The following ADAMTS6 variants were observed in gnomAD, a reference collection of about 807,000 sequenced individuals.
The protein encoded by ADAMTS6 is ADAM metallopeptidase with thrombospondin type 1 motif 6, also known as A disintegrin and metalloproteinase with thrombospondin motifs 6.
ADAMTS6 carries 23 observed loss-of-function variants against 144.3 expected under a neutral mutation model. That is an observed-to-expected ratio of 0.16 (90% CI 0.11 to 0.23). ADAMTS6 has a LOEUF of 0.23. Among genes scored for constraint, ADAMTS6 ranks in the 10% least tolerant of loss-of-function variants. The probability of loss-of-function intolerance (pLI) is 1.00; values close to 1 mark genes in which losing one functional copy is unlikely to be tolerated. For synonymous variants in ADAMTS6, 444 were observed against 457.5 expected, an observed-to-expected ratio of 0.97 and a Z score of 0.38; for missense variants, 999 against 1,379.6, an observed-to-expected ratio of 0.72 and a Z score of 4.37.
chr5:65,212,009 C>T (rs1326936569), intron 20 of ADAMTS6, among the ~76,000 whole-genome samples: 2 of 152,110 alleles, frequency 1.3e-5, no homozygotes, highest in South Asian at 2.1e-4. Flanking sequence ...GGTTTGGTTT[C>T]TCTGTCAGCC....
At chr5:65,446,862 A>G (rs763792234) in intron 7 of ADAMTS6, among the ~76,000 whole-genome samples, 1 of 152,142 alleles carries the variant, frequency 6.6e-6, no homozygotes, top group East Asian at 1.9e-4. Context: ...GAGTGATGGA[A>G]TGTTCTAAAA....
intron 7 of ADAMTS6, among the ~76,000 whole-genome samples, chr5:65,395,242 C>A (rs917351687): frequency 6.6e-6 from 1 of 152,054 alleles, no homozygotes. Context: ...TTTTTAAATA[C>A]CCTCTTCTGA....
intron 8 of ADAMTS6, among the ~76,000 whole-genome samples, chr5:65,333,175 C>T (rs762740157): frequency 3.3e-5 from 5 of 152,036 alleles, no homozygotes; most frequent in Non-Finnish European, 5.9e-5. Flanking sequence ...GAGAATTCAT[C>T]TTCAGTTGTT....
At chr5:65,394,526 G>A (rs1753184399) in intron 7 of ADAMTS6, among the ~76,000 whole-genome samples, 1 of 152,190 alleles carries the variant, frequency 6.6e-6, no homozygotes, top group African/African-American at 2.4e-5. Context: ...AGCTGGACAT[G>A]TCAGCATTCC....
chr5:65,240,873 G>A (rs1474848805), intron 15 of ADAMTS6, among the ~76,000 whole-genome samples: 3 of 152,176 alleles, frequency 2.0e-5, no homozygotes, highest in Non-Finnish European at 4.4e-5. Context: ...GATTTTTTAA[G>A]TATGTGCATT....
At chr5:65,268,092 A>T (rs1761763265) in intron 12 of ADAMTS6, among the ~76,000 whole-genome samples, 1 of 152,204 alleles carries the variant, frequency 6.6e-6, no homozygotes, top group South Asian at 2.1e-4. Context: ...TTAAGAACTA[A>T]GGCTGCAAAC....
chr5:65,449,743 A>T lies in ADAMTS6; in HGVS notation c.1073+1732T>A, dbSNP rs377467871. 3.4e-3 allele frequency among the ~76,000 whole-genome samples: 520 copies of T among 152,362 alleles called. 2 individuals are homozygous for T. The highest frequency in any genetic ancestry group is 0.014 in the South Asian group (68 of 4,830). On this transcript the variant is annotated intron_variant, in intron 7 of 24. Coordinates refer to ENST00000381055, the MANE Select transcript of ADAMTS6 (RefSeq NM_197941.4). The stretch of plus-strand genomic sequence containing the variant: ...GAAGAGCCCTGCAGAGAATCGGGAA[A>T]ATATCAAGGCGAATTCAGAATAAAA...
chr5:65,265,012 G>T (rs1291476974), intron 12 of ADAMTS6, among the ~76,000 whole-genome samples: 5 of 152,010 alleles, frequency 3.3e-5, no homozygotes, highest in Non-Finnish European at 4.4e-5. Flanking sequence ...CCTAGTAGAT[G>T]GTACCAAATT....
intron 7 of ADAMTS6, among the ~76,000 whole-genome samples, chr5:65,435,598 T>G (rs1435626323): frequency 6.6e-6 from 1 of 151,640 alleles, no homozygotes; most frequent in African/African-American, 2.4e-5. Flanking sequence ...CCTTTTTTTT[T>G]GTAATTCTAA....
At chr5:65,293,907 A>C (rs1306961358) in intron 10 of ADAMTS6, among the ~76,000 whole-genome samples, 1 of 152,238 alleles carries the variant, frequency 6.6e-6, no homozygotes, top group Admixed American at 6.5e-5. Flanking sequence ...AGAATAAAAC[A>C]CCATATGAAA....
At chr5:65,204,423 C>G (rs1027248546) in intron 20 of ADAMTS6, among the ~76,000 whole-genome samples, 4 of 152,108 alleles carry the variant, frequency 2.6e-5, no homozygotes, top group African/African-American at 9.7e-5. Context: ...TAAGAACTAA[C>G]CCAGTAAGGT....
At chr5:65,435,644 G>C (rs1198816154) in intron 7 of ADAMTS6, among the ~76,000 whole-genome samples, 3 of 135,880 alleles carry the variant, frequency 2.2e-5, no homozygotes, top group Non-Finnish European at 4.7e-5. Flanking sequence ...TTTTTTTTTT[G>C]AGACAGAGTC....
chr5:65,305,492 GATAA>G (rs1468433147), intron 9 of ADAMTS6, among the ~76,000 whole-genome samples: 1 of 152,088 alleles, frequency 6.6e-6, no homozygotes, highest in Non-Finnish European at 1.5e-5. Context: ...ACTAAGTATA[GATAA>G]ATAGAGAGAA....
In ADAMTS6 at chr5:65,452,340, C is replaced by T. The variant is rs10071307; in HGVS notation, c.844-124G>A. On this transcript the variant is annotated intron_variant, in intron 5 of 24. Transcript: ENST00000381055. Reference sequence around the variant, plus strand: ...CCATTGTATACATTACCCCATATCACTTAGAACTCTACCTTCAAGGTGCCT... The same window carrying T: ...CCATTGTATACATTACCCCATATCATTTAGAACTCTACCTTCAAGGTGCCT... 382 of 711,952 alleles carry T rather than the reference C, an allele frequency of 5.4e-4. 2 individuals carry two copies. The African/African-American group carries it at 6.3e-3, about 12-fold the overall frequency. The allele number at this position is 711,952 out of a possible 1,614,324, so 44.1% of individuals were successfully genotyped here. A position where few individuals can be genotyped will look rare whatever the true frequency, so the allele number is the denominator to read the frequency against.
intron 10 of ADAMTS6, among the ~76,000 whole-genome samples, chr5:65,298,054 A>G (rs879668004): frequency 7.2e-5 from 11 of 152,210 alleles, no homozygotes; most frequent in African/African-American, 2.2e-4. Flanking sequence ...CACTTTATTG[A>G]AACTAGTAAT....
intron 18 of ADAMTS6, among the ~76,000 whole-genome samples, chr5:65,223,801 A>AC (rs1554050258): frequency 7.3e-6 from 1 of 137,902 alleles, no homozygotes; most frequent in Non-Finnish European, 1.6e-5. Context: ...TGAGATAGTG[A>AC]TTTTTTTTTT....
At chr5:65,152,691 C>G (rs548970505) in intron 24 of ADAMTS6, among the ~76,000 whole-genome samples, 1 of 152,344 alleles carries the variant, frequency 6.6e-6, no homozygotes, top group African/African-American at 2.4e-5. Context: ...TTCTCCATCT[C>G]CCCTTGAGGC....
At position 65,224,361 on chromosome 5, in the gene ADAMTS6, T is replaced by C; in HGVS notation, c.2231A>G (p.His744Arg). The C allele has an allele frequency of 6.2e-7, 1 of 1,614,136 alleles. No individual in the cohort carries two copies. The highest frequency in any genetic ancestry group is 8.5e-7 in the Non-Finnish European group (1 of 1,180,020). The change falls in exon 18 of 25, where the codon CAC becomes CGC. Residue 744 changes from histidine (H) to arginine (R), a missense_variant. His to Arg is a conservative substitution (Grantham distance 29). Transcript: ENST00000381055. ...CATGGCAACTTCTCTAACTTCAATG[T>C]GAACAGAGCCTCTTGGTATCTGCAC... ...EVVQIPRGSV[H>R]IEVREVAMSK... is the part of the protein sequence containing the mutation.
intron 7 of ADAMTS6, among the ~76,000 whole-genome samples, chr5:65,396,362 A>C (rs925947215): frequency 6.6e-6 from 1 of 152,182 alleles, no homozygotes; most frequent in Admixed American, 6.5e-5. Flanking sequence ...CTTTAAAATA[A>C]AGTTTATAGG....
Sources: gnomAD v4.1 joint callset for allele counts (sites outside exome capture counted in the v4.1 genomes callset) on GRCh38, gnomAD v4.1.1 for gene constraint, MANE v1.5 for transcripts, NCBI Gene and HGNC (gene_info 2026-07-23, HGNC 2026-07-21) for gene names.